The following ANO7 variants were observed in gnomAD, a reference collection of about 807,000 sequenced individuals.
ANO7 encodes the protein anoctamin 7.
Under a neutral mutation model 115.8 loss-of-function variants are expected in ANO7, and 114 were observed. The observed-to-expected ratio is 0.98, with a 90% CI of 0.85 to 1.15. The LOEUF (loss-of-function observed/expected upper bound fraction) is 1.15, where lower values mean the gene tolerates loss of function less well. Among genes scored for constraint, ANO7 ranks in the 50% most tolerant of loss-of-function variants. The pLI, the probability that ANO7 is intolerant of heterozygous loss-of-function variation, is 0.00. For missense variants in ANO7, 1,302 were observed against 1,201.2 expected (o/e 1.08, Z -1.24); for synonymous variants, 550 against 498.2 (o/e 1.10, Z -1.38).
In ANO7 at chr2:241,214,727, C is replaced by T. The variant is rs150776902; in HGVS notation, c.1729-78C>T. ...GGGAGGTGGGGGCCGGGATGAGGGC[C>T]AGCTTTGAGACAAGAAGGGATGCGT... is the stretch of plus-strand genomic sequence containing the variant. On this transcript the variant is annotated intron_variant, in intron 17 of 24. Transcript: ENST00000674324. 2.3e-4 allele frequency: 323 copies of T among 1,380,308 alleles called. No individual in the cohort carries two copies. The South Asian group carries it at 2.4e-3, about 10-fold the overall frequency. 85.5% of individuals were successfully genotyped at this position (1,380,308 alleles called of 1,614,324 possible).
downstream of ANO7, chr2:241,229,286 C>T (rs1436616255): frequency 2.6e-5 from 8 of 303,858 alleles, no homozygotes; most frequent in South Asian, 1.9e-4. Flanking sequence ...GCCACGGCTG[C>T]GGAGCTCTCG....
chr2:241,239,975 G>C, the ANO7 span: 2 of 1,614,094 alleles, frequency 1.2e-6, no homozygotes, highest in East Asian at 2.2e-5. The surrounding 1 kb of genome is among the most constrained non-coding windows in gnomAD (Gnocchi z 4.6). Context: ...ATGGTGATCA[G>C]GTCCTGGTCC....
At chr2:241,239,518 C>A in the ANO7 span, 1,059 of 1,124,914 alleles carry the variant, frequency 9.4e-4, 14 homozygotes, top group East Asian at 0.022. This position sits in a 1 kb window ranked among gnomAD's most constrained non-coding sequence, Gnocchi z 4.6. Flanking sequence ...CACCTCCCTA[C>A]AGGGTGGAGC....
At chr2:241,234,037 T>TG in the ANO7 span, 60 of 1,543,544 alleles carry the variant, frequency 3.9e-5, no homozygotes, top group African/African-American at 6.5e-4. Flanking sequence ...CCTTCCACCC[T>TG]GGTCATAGGA....
chr2:241,194,698 T>G (rs937801687), intron 3 of ANO7, among the ~76,000 whole-genome samples: 2 of 144,444 alleles, frequency 1.4e-5, no homozygotes, highest in Non-Finnish European at 2.9e-5. Context: ...ATAATTATTC[T>G]GTTTTATTAT....
At chr2:241,234,014 G>C in the ANO7 span, 1 of 1,602,516 alleles carries the variant, frequency 6.2e-7, no homozygotes, top group Non-Finnish European at 8.5e-7. Context: ...GATCCACCCT[G>C]TGACTCCATT....
At chr2:241,195,284 T>A (rs1574759374) in intron 3 of ANO7, among the ~76,000 whole-genome samples, 2 of 152,244 alleles carry the variant, frequency 1.3e-5, no homozygotes, top group South Asian at 4.1e-4. Context: ...CATCCATTGC[T>A]GTCTCATGCC....
chr2:241,193,678 C>T (rs2068255909), intron 3 of ANO7, among the ~76,000 whole-genome samples: 1 of 152,188 alleles, frequency 6.6e-6, no homozygotes, highest in Non-Finnish European at 1.5e-5. Context: ...ATTGTCTATC[C>T]ATAATCATGC....
intron 19 of ANO7, 90 bp from the exon 20 acceptor site, chr2:241,217,595 AC>A: frequency 7.1e-7 from 1 of 1,406,996 alleles, no homozygotes; most frequent in Non-Finnish European, 9.6e-7. Flanking sequence ...TGGCGGCACC[AC>A]GTGGACTGGC....
In ANO7 at chr2:241,224,750, G is replaced by C. The variant is rs1362200219; in HGVS notation, c.*597G>C. The C allele has an allele frequency of 6.5e-6, 1 of 152,736 alleles. No homozygotes were observed. The highest frequency in any genetic ancestry group is 1.5e-5 in the Non-Finnish European group (1 of 68,464). 9.5% of individuals were successfully genotyped at this position (152,736 alleles called of 1,614,324 possible). On this transcript the variant is annotated 3_prime_UTR_variant, in exon 25 of 25. Transcript: ENST00000674324. ...GGTCCTCTGGATTCTTCTGTTTCTTGAATCAGGCTCTGCTTTCCCCCTAGC... is the reference window on the plus strand; with the variant it reads ...GGTCCTCTGGATTCTTCTGTTTCTTCAATCAGGCTCTGCTTTCCCCCTAGC...
At chr2:241,214,508 C>T (rs1052560768) in intron 17 of ANO7, among the ~76,000 whole-genome samples, 4 of 152,200 alleles carry the variant, frequency 2.6e-5, no homozygotes, top group Non-Finnish European at 5.9e-5. Context: ...AAGCCAGAGG[C>T]TACAGTCAGC....
intron 2 of ANO7, 65 bp from the exon 3 acceptor site, chr2:241,191,129 G>A (rs2068191824): frequency 1.3e-6 from 2 of 1,579,756 alleles, no homozygotes. Flanking sequence ...GTGGGGCGGG[G>A]TGGGTGTAGT....
At chr2:241,200,376 T>C in intron 6 of ANO7, 151 bp downstream of exon 6, 1 of 1,135,314 alleles carries the variant, frequency 8.8e-7, no homozygotes, top group Non-Finnish European at 1.2e-6. Context: ...TTATCGCGTG[T>C]CTGCATTTCC....
chr2:241,217,671 AC>A lies in ANO7; in HGVS notation c.1973-10del. 1 of 1,567,482 alleles carries A rather than the reference AC, an allele frequency of 6.4e-7. No homozygotes were observed. The highest frequency in any genetic ancestry group is 8.6e-7 in the Non-Finnish European group (1 of 1,157,454). On this transcript the variant is annotated splice_polypyrimidine_tract_variant and intron_variant, in intron 19 of 24. Transcript: ENST00000674324. ...GACGGTGGCGGAGAGCCCGGCCGTG[AC>A]CCCCTCCCCGCAGTGCTGCAGTTCG...
At chr2:241,218,905 TCA>T (rs2068938634) in intron 21 of ANO7, among the ~76,000 whole-genome samples, 2 of 152,230 alleles carry the variant, frequency 1.3e-5, no homozygotes, top group Admixed American at 1.3e-4. Context: ...CGTCTGGAAT[TCA>T]CACATAACAC....
chr2:241,194,579 A>C (rs965902684), intron 3 of ANO7, among the ~76,000 whole-genome samples: 1 of 152,274 alleles, frequency 6.6e-6, no homozygotes, highest in Middle Eastern at 3.4e-3. Context: ...CAGCCTCCCA[A>C]ATTGCTGGGA....
chr2:241,223,540 T>G, intron 22 of ANO7, 122 bp from the exon 23 acceptor site: 1 of 1,473,770 alleles, frequency 6.8e-7, no homozygotes. Flanking sequence ...TTCCTTTTCC[T>G]GCACAGCTGC....
intron 10 of ANO7, 114 bp downstream of exon 10, chr2:241,205,069 T>C (rs1218154660): frequency 2.4e-6 from 2 of 850,348 alleles, no homozygotes; most frequent in African/African-American, 1.7e-5. Flanking sequence ...CTTGAGGTGA[T>C]TGAGGTGTGA....
rs765577295 is a variant in ANO7, at chr2:241,199,391, G to T, written c.385G>T (p.Ala129Ser). Residue 129 changes from alanine to serine, a missense_variant, in exon 5 of 25, where the codon GCC becomes TCC. Coordinates refer to ENST00000674324, the MANE Select transcript of ANO7 (RefSeq NM_001370694.2). ...CTCCTGGGCTGTGCTCTGCTACTAC[G>T]CCGAAGACCTGCGCCTGAAGCTGCC... is the stretch of plus-strand genomic sequence containing the variant. Reference protein sequence around the residue: ...SASWAVLCYYAEDLRLKLPLQ... With the variant: ...SASWAVLCYYSEDLRLKLPLQ... The T allele has an allele frequency of 9.9e-6, 16 of 1,613,692 alleles. No homozygotes were observed. In the Admixed American group the frequency reaches 2.5e-4, roughly 25 times the overall value.
Sources: allele counts gnomAD v4.1 joint callset (sites outside exome capture counted in the v4.1 genomes callset), GRCh38; gene constraint gnomAD v4.1.1; non-coding constraint Gnocchi (gnomAD v3.1); transcripts MANE v1.5; gene names NCBI Gene and HGNC (gene_info 2026-07-23, HGNC 2026-07-21).